Variants in GPR149 observed in about 807,000 individuals in gnomAD.
The protein encoded by GPR149 is G protein-coupled receptor 149, also known as probable G protein-coupled receptor 149.
In GPR149, 50 loss-of-function variants were observed where a neutral mutation model predicts 50.2. The observed-to-expected ratio is 1.00, with a 90% confidence interval of 0.79 to 1.26. The LOEUF (loss-of-function observed/expected upper bound fraction) is 1.26. Ranked by LOEUF, GPR149 falls within the 50% of genes most tolerant of loss-of-function variation. The probability of loss-of-function intolerance (pLI) is 0.00; values close to 1 mark genes in which losing one functional copy is unlikely to be tolerated. For missense variants in GPR149, 983 were observed against 895.4 expected (o/e 1.10, Z -1.25); for synonymous variants, 405 against 358.2 (o/e 1.13, Z -1.48).
At chr3:154,407,693 T>TACACACACACACACAC (rs1175398541) in intron 3 of GPR149, among the ~76,000 whole-genome samples, 10,066 of 139,778 alleles carry the variant, frequency 0.072, 418 homozygotes, top group African/African-American at 0.091. Flanking sequence ...GTCATGTGTA[T>TACACACACACACACAC]ACACACACAC....
At position 154,427,560 on chromosome 3, in the gene GPR149, TTGA is replaced by T. The variant is rs1483356920; in HGVS notation, c.1127_1129del (p.Ile376del). 6.2e-7 allele frequency: 1 copy of T among 1,613,970 alleles called. No individual in the cohort carries two copies. The highest frequency in any genetic ancestry group is 1.1e-5 in the South Asian group (1 of 91,066). ...CACTGCATATGCGTTCTGCCTGCAG[TTGA>T]TGATGCAGCCACAGGGCAAGTGGGT... On this transcript the variant is annotated inframe_deletion, in exon 2 of 4. Transcript: ENST00000389740.
In GPR149 at chr3:154,421,404, C is replaced by T. The variant is rs1288857562; in HGVS notation, c.1258G>A (p.Asp420Asn). Reference sequence around the variant, plus strand: ...TGATAGAATATGGAATTTTCATCATCATCATAGTAATCTTCATGTGCTATT... The same window carrying T: ...TGATAGAATATGGAATTTTCATCATTATCATAGTAATCTTCATGTGCTATT... ...YKIAHEDYYD[D>N]DENSIFYHNL... Residue 420 changes from aspartate (D) to asparagine (N), a missense_variant, in exon 3 of 4, where the codon GAT (aspartate) becomes AAT (asparagine). Transcript: ENST00000389740. The T allele has an allele frequency of 1.9e-6, 3 of 1,611,162 alleles. No individual in the cohort carries two copies. The highest frequency in any genetic ancestry group is 2.5e-6 in the Non-Finnish European group (3 of 1,178,030).
In GPR149 at chr3:154,392,178, A is replaced by G. The variant is rs141936720; in HGVS notation, c.1623+28861T>C. Among the ~76,000 whole-genome samples the G allele has an allele frequency of 1.5e-3, 230 of 151,996 alleles. 2 individuals carry two copies. Among genetic ancestry groups the G allele is most frequent in the African/African-American group, 5.4e-3 (223 of 41,544 alleles). On this transcript the variant is annotated intron_variant, in intron 3 of 3. Coordinates refer to ENST00000389740, the MANE Select transcript of GPR149 (RefSeq NM_001038705.3). The stretch of plus-strand genomic sequence containing the variant: ...TTAATCTAACAGATCTATACAAAAC[A>G]TTTCACCAAAGAGCAGCAGAATATA...
chr3:154,377,060 A>G (rs983340579), intron 3 of GPR149, among the ~76,000 whole-genome samples: 9 of 151,324 alleles, frequency 5.9e-5, no homozygotes, highest in African/African-American at 2.2e-4. Context: ...AAAAAAAAAA[A>G]AGAGGATAAC....
chr3:154,390,885 T>C (rs563978507), intron 3 of GPR149, among the ~76,000 whole-genome samples: 3 of 152,014 alleles, frequency 2.0e-5, no homozygotes, highest in Admixed American at 6.6e-5. Context: ...AGCAGAAACA[T>C]TGCATGCCAG....
At chr3:154,413,101 T>C (rs1043070673) in intron 3 of GPR149, among the ~76,000 whole-genome samples, 6 of 152,070 alleles carry the variant, frequency 3.9e-5, no homozygotes, top group African/African-American at 1.4e-4. Flanking sequence ...GCAAACCACA[T>C]GTAGAAGAAA....
chr3:154,402,627 C>A (rs1019195683), intron 3 of GPR149, among the ~76,000 whole-genome samples: 1 of 152,016 alleles, frequency 6.6e-6, no homozygotes, highest in Admixed American at 6.6e-5. Flanking sequence ...ACCCAAAACA[C>A]GGTATGATTT....
At chr3:154,428,241 G>C (rs1263436628) in intron 1 of GPR149, among the ~76,000 whole-genome samples, 1 of 152,178 alleles carries the variant, frequency 6.6e-6, no homozygotes, top group Non-Finnish European at 1.5e-5. Context: ...CTCTAGGCGG[G>C]AATGGAACGG....
At chr3:154,422,650 C>T (rs576142516) in intron 2 of GPR149, among the ~76,000 whole-genome samples, 1 of 151,850 alleles carries the variant, frequency 6.6e-6, no homozygotes, top group Non-Finnish European at 1.5e-5. Context: ...TAAACCAATT[C>T]TGTTGACTGA....
intron 3 of GPR149, among the ~76,000 whole-genome samples, chr3:154,346,403 T>G (rs1161139714): frequency 6.6e-6 from 1 of 152,178 alleles, no homozygotes; most frequent in Non-Finnish European, 1.5e-5. Flanking sequence ...CATTCTGTCA[T>G]TTTCATTTAA....
chr3:154,369,575 G>C (rs1254685710), intron 3 of GPR149, among the ~76,000 whole-genome samples: 1 of 152,188 alleles, frequency 6.6e-6, no homozygotes, highest in Admixed American at 6.5e-5. Flanking sequence ...ACCGGAAAGA[G>C]AACGTAAACT....
In GPR149 at chr3:154,421,466, A is replaced by C; in HGVS notation, c.1196T>G (p.Phe399Cys). ...ATAACTTTTTTGGAATGATAGATTG[A>C]ATTCAAAGCCTTTTCTCTTGACTGA... ...GKKIKRKGFE[F>C]NLSFQKSYGI... Residue 399 changes from phenylalanine (F) to cysteine (C), a missense_variant, in exon 3 of 4, where the codon TTC becomes TGC. Physicochemically the swap from Phe to Cys is radical, Grantham distance 205. Coordinates refer to ENST00000389740, the MANE Select transcript of GPR149 (RefSeq NM_001038705.3). The C allele has an allele frequency of 6.3e-7, 1 of 1,580,050 alleles. No individual in the cohort carries two copies. Among genetic ancestry groups the C allele is most frequent in the Admixed American group, 1.8e-5 (1 of 55,022 alleles).
chr3:154,352,642 A>G, intron 3 of GPR149: 1 of 778,508 alleles, frequency 1.3e-6, no homozygotes, highest in Non-Finnish European at 2.4e-6. Context: ...AATGTGGGCT[A>G]AAGTTGCAGC....
At chr3:154,369,860 G>C (rs151167136) in intron 3 of GPR149, among the ~76,000 whole-genome samples, 1 of 152,190 alleles carries the variant, frequency 6.6e-6, no homozygotes, top group African/African-American at 2.4e-5. Context: ...GCTGTAGCCC[G>C]GCAATTTGGG....
Position 154,421,330 on chromosome 3 carries a change from G to A in GPR149, c.1332C>T (p.Asp444=). The change falls in exon 3 of 4, where the codon GAC becomes GAT. Residue 444 remains aspartate (D), a synonymous_variant. Transcript: ENST00000389740. ...TTATAGCATTGAAGATGTTACGGTT[G>A]TCTCTCTGAGGGTCTTTTGTAGTTT... ...ECETTKDPQR[D]NRNIFNAIKV... The A allele has an allele frequency of 6.2e-7, 1 of 1,613,304 alleles. No individual in the cohort carries two copies.
chr3:154,399,160 G>A (rs1260854064), intron 3 of GPR149, among the ~76,000 whole-genome samples: 2 of 152,036 alleles, frequency 1.3e-5, no homozygotes, highest in East Asian at 1.9e-4. Flanking sequence ...AAGTTTTAAC[G>A]TCTGGAGGAG....
At chr3:154,417,026 A>G (rs1712011966) in intron 3 of GPR149, among the ~76,000 whole-genome samples, 1 of 151,934 alleles carries the variant, frequency 6.6e-6, no homozygotes, top group Admixed American at 6.6e-5. Flanking sequence ...GTATTAAAAG[A>G]GAAAATAGAG....
chr3:154,425,502 C>T lies in GPR149; in HGVS notation c.1174+2014G>A, dbSNP rs114300110. ...GGAAAATTGATGGTGGCTTCTCAGA[C>T]AGTAGAAACACATCATTGTTATTAT... On this transcript the variant is annotated intron_variant, in intron 2 of 3. Transcript: ENST00000389740. 9.9e-3 allele frequency among the ~76,000 whole-genome samples: 1,507 copies of T among 152,132 alleles called. 13 individuals are homozygous for T. The highest frequency in any genetic ancestry group is 0.029 in the South Asian group (142 of 4,824).
chr3:154,362,362 T>C (rs998997977), intron 3 of GPR149, among the ~76,000 whole-genome samples: 1 of 151,906 alleles, frequency 6.6e-6, no homozygotes, highest in African/African-American at 2.4e-5. Context: ...TAATTTACTG[T>C]CACCCCAAAA....
Sources: allele counts gnomAD v4.1 joint callset (sites outside exome capture counted in the v4.1 genomes callset), GRCh38; gene constraint gnomAD v4.1.1; transcripts MANE v1.5; gene names NCBI Gene and HGNC (gene_info 2026-07-23, HGNC 2026-07-21).